Variants in EML6 observed in about 807,000 individuals in gnomAD.
EML6 encodes the protein EMAP like 6, also known as echinoderm microtubule-associated protein-like 6.
EML6 carries 154 observed loss-of-function variants against 240.1 expected under a neutral mutation model. The ratio of observed to expected loss-of-function variants is 0.64; its 90% confidence interval spans 0.56 to 0.73. The LOEUF is 0.73. Among genes scored for constraint, EML6 ranks in the 30% least tolerant of loss-of-function variants. The pLI is 0.00. For synonymous variants in EML6, 1,148 were observed against 899.0 expected (o/e 1.28, Z -4.95); for missense variants, 2,964 against 2,474.6 (o/e 1.20, Z -4.20).
At chr2:54,783,392 A>G (rs2103860301) in intron 2 of EML6, among the ~76,000 whole-genome samples, 1 of 152,364 alleles carries the variant, frequency 6.6e-6, no homozygotes, top group South Asian at 2.1e-4. Flanking sequence ...AGTGTTTCAA[A>G]TAACATTCAG....
rs192558191 is a variant in EML6, at chr2:54,925,377, A to C, written c.3676-2936A>C. ...GGCATTTTGTTATGGCAACCCAAGC[A>C]GACTAATGTCCCATGCCATTGCTAT... On this transcript the variant is annotated intron_variant, in intron 26 of 41. Coordinates refer to ENST00000356458, the MANE Select transcript of EML6 (RefSeq NM_001039753.4). Among the ~76,000 whole-genome samples the C allele has an allele frequency of 1.7e-3, 253 of 152,330 alleles. 1 individual carries two copies. The highest frequency in any genetic ancestry group is 5.9e-3 in the African/African-American group (244 of 41,582).
At chr2:54,762,431 T>C (rs1038891388) in intron 2 of EML6, among the ~76,000 whole-genome samples, 2 of 152,202 alleles carry the variant, frequency 1.3e-5, no homozygotes, top group African/African-American at 4.8e-5. Context: ...ATATAGTTAC[T>C]ATTTTTTTCT....
In EML6 at chr2:54,866,885, G is replaced by T. The variant is rs759866840; in HGVS notation, c.2051+1G>T. On this transcript the variant is annotated splice_donor_variant, in intron 14 of 41. Coordinates refer to ENST00000356458, the MANE Select transcript of EML6 (RefSeq NM_001039753.4). LOFTEE classifies it high-confidence loss of function. Reference sequence around the variant, plus strand: ...GCTTGAAACTCCAGTTCATACACGGGTGGGTGGCCTGTCATGGGCGCCCGT... The same window carrying T: ...GCTTGAAACTCCAGTTCATACACGGTTGGGTGGCCTGTCATGGGCGCCCGT... 5 of 1,540,282 alleles carry T rather than the reference G, an allele frequency of 3.2e-6. No homozygotes were observed. The South Asian group carries it at 6.0e-5, about 18-fold the overall frequency.
chr2:54,863,184 G>A (rs745704479), intron 12 of EML6, among the ~76,000 whole-genome samples: 6 of 152,208 alleles, frequency 3.9e-5, no homozygotes, highest in Non-Finnish European at 8.8e-5. Context: ...ATGGTTAAAA[G>A]GCTAAAGAGG....
intron 2 of EML6, among the ~76,000 whole-genome samples, chr2:54,767,048 G>GA (rs1210479897): frequency 1.3e-5 from 2 of 151,872 alleles, no homozygotes; most frequent in Non-Finnish European, 2.9e-5. Context: ...ATAATTTTAG[G>GA]AAAAAAATAA....
chr2:54,962,222 T>C (rs879790839), intron 35 of EML6, among the ~76,000 whole-genome samples: 3 of 151,738 alleles, frequency 2.0e-5, no homozygotes, highest in African/African-American at 7.3e-5. Flanking sequence ...AGTGGTGTTT[T>C]AAATTTTTTT....
At chr2:54,777,159 C>T (rs890557768) in intron 2 of EML6, among the ~76,000 whole-genome samples, 1 of 152,094 alleles carries the variant, frequency 6.6e-6, no homozygotes, top group Admixed American at 6.5e-5. Context: ...TCAATACTCA[C>T]AGAAGGAAGT....
Position 54,923,161 on chromosome 2 carries a change from G to A in EML6, c.3676-5152G>A, listed in dbSNP as rs187671607. On this transcript the variant is annotated intron_variant, in intron 26 of 41. Coordinates refer to ENST00000356458, the MANE Select transcript of EML6 (RefSeq NM_001039753.4). ...TCTCCATGTTGATCAGGCTGGTCTC[G>A]AACTCCCAACCTCAGCTGATCCATC... Among the ~76,000 whole-genome samples the A allele has an allele frequency of 4.0e-3, 602 of 151,858 alleles. 5 individuals are homozygous for A. The highest frequency in any genetic ancestry group is 5.0e-3 in the Non-Finnish European group (342 of 67,924).
In EML6 at chr2:54,929,721, C is replaced by T. The variant is rs79756117; in HGVS notation, c.4004+970C>T. Among the ~76,000 whole-genome samples, 196 of 131,982 alleles carry T rather than the reference C, an allele frequency of 1.5e-3. 4 individuals are homozygous for T. In the Admixed American group the frequency reaches 0.016, roughly 11 times the overall value. The allele number at this position is 131,982 out of a possible 152,430, so 86.6% of individuals were successfully genotyped here. On this transcript the variant is annotated intron_variant, in intron 28 of 41. Transcript: ENST00000356458. ...CCTCCTCCTCCTCCTCCTCCTCCTCCTCCTCCTGCTTAAATTCAGTGCCAG... is the reference window on the plus strand; with the variant it reads ...CCTCCTCCTCCTCCTCCTCCTCCTCTTCCTCCTGCTTAAATTCAGTGCCAG...
chr2:54,759,816 C>T lies in EML6; in HGVS notation c.197+34558C>T, dbSNP rs564701658. On this transcript the variant is annotated intron_variant, in intron 2 of 41. Transcript: ENST00000356458. ...GCTAAGGTGATCCAAGAGTGAAGTT[C>T]GAGGTTGGACAAAATTAGATGTAAT... Among the ~76,000 whole-genome samples, 4 of 151,584 alleles carry T rather than the reference C, an allele frequency of 2.6e-5. No homozygotes were observed. The South Asian group carries it at 8.3e-4, about 32-fold the overall frequency.
intron 17 of EML6, chr2:54,881,655 A>G (rs1156459650): frequency 1.3e-4 from 20 of 151,754 alleles, no homozygotes; most frequent in African/African-American, 4.6e-4. Context: ...TCCCAAAAAA[A>G]AAAAAAAAAA....
At chr2:54,777,125 A>T (rs1320120990) in intron 2 of EML6, among the ~76,000 whole-genome samples, 1 of 152,092 alleles carries the variant, frequency 6.6e-6, no homozygotes, top group Non-Finnish European at 1.5e-5. Context: ...GTCCCCAAAG[A>T]CTCTAACCTA....
At chr2:54,953,918 A>G (rs1304374300) in intron 31 of EML6, 65 bp from the exon 32 acceptor site, 3 of 1,330,462 alleles carry the variant, frequency 2.3e-6, no homozygotes, top group South Asian at 3.0e-5. Flanking sequence ...TTACATGAAC[A>G]TAAGCATCGC....
intron 2 of EML6, among the ~76,000 whole-genome samples, chr2:54,740,709 T>TA (rs1683592103): frequency 7.5e-6 from 1 of 133,680 alleles, no homozygotes; most frequent in East Asian, 2.8e-4. Context: ...AGACTCTAGC[T>TA]CTTTTTTTTT....
chr2:54,810,892 A>T (rs1305090417), intron 2 of EML6, among the ~76,000 whole-genome samples: 1 of 152,128 alleles, frequency 6.6e-6, no homozygotes, highest in Non-Finnish European at 1.5e-5. Flanking sequence ...CCCCACTAAA[A>T]ATTGGATAGT....
chr2:54,882,873 A>AAAAAAAAAAAAAAAAAAAAAAAGAG (rs796515025), intron 17 of EML6: 2 of 112,408 alleles, frequency 1.8e-5, no homozygotes, highest in African/African-American at 7.0e-5. Flanking sequence ...AAAAAAAAAA[A>AAAAAAAAAAAAAAAAAAAAAAAGAG]AGAAAGCTTA....
chr2:54,732,517 T>G (rs576194013), intron 2 of EML6, among the ~76,000 whole-genome samples: 15 of 152,340 alleles, frequency 9.8e-5, no homozygotes, highest in African/African-American at 3.6e-4. Flanking sequence ...CATGTGGATA[T>G]CTGGTTGTCC....
intron 2 of EML6, among the ~76,000 whole-genome samples, chr2:54,746,082 G>A (rs978140615): frequency 1.3e-5 from 2 of 152,184 alleles, no homozygotes; most frequent in African/African-American, 4.8e-5. Context: ...GTTAAGGGAA[G>A]AACAATTTCA....
At chr2:54,870,289 G>A (rs1671183820) in intron 15 of EML6, among the ~76,000 whole-genome samples, 1 of 152,056 alleles carries the variant, frequency 6.6e-6, no homozygotes. Context: ...TTAAAAAGTT[G>A]TATTTGGGGG....
Sources: allele counts gnomAD v4.1 joint callset (sites outside exome capture counted in the v4.1 genomes callset), GRCh38; gene constraint gnomAD v4.1.1; transcripts MANE v1.5; gene names NCBI Gene and HGNC (gene_info 2026-07-23, HGNC 2026-07-21).